The following SKAP2 variants were observed in gnomAD, a reference collection of about 807,000 sequenced individuals.
SKAP2 encodes src kinase associated phosphoprotein 2.
A neutral mutation model predicts 54.9 loss-of-function variants in SKAP2; 28 were observed. That is an observed-to-expected ratio of 0.51 (90% CI 0.38 to 0.70). SKAP2 has a LOEUF of 0.70. SKAP2 is among the 30% of genes least tolerant of loss of function. SKAP2 has a pLI of 0.00. For missense variants in SKAP2, 356 were observed against 424.1 expected, an observed-to-expected ratio of 0.84 and a Z score of 1.41; for synonymous variants, 137 against 134.3, an observed-to-expected ratio of 1.02 and a Z score of -0.14.
intron 9 of SKAP2, among the ~76,000 whole-genome samples, chr7:26,706,784 C>T (rs1179373799): frequency 1.3e-5 from 2 of 152,144 alleles, no homozygotes; most frequent in Non-Finnish European, 2.9e-5. Flanking sequence ...GATTGAAATG[C>T]CAGCCCCATT....
At chr7:26,686,934 G>T (rs370724645) in intron 10 of SKAP2, among the ~76,000 whole-genome samples, 77 of 151,982 alleles carry the variant, frequency 5.1e-4, no homozygotes, top group Non-Finnish European at 8.8e-4. Context: ...CCAAAAAAGT[G>T]GAAGAAACAA....
intron 4 of SKAP2, among the ~76,000 whole-genome samples, chr7:26,818,591 A>G (rs1784319775): frequency 6.6e-6 from 1 of 152,196 alleles, no homozygotes; most frequent in Non-Finnish European, 1.5e-5. Flanking sequence ...AGATCTAATT[A>G]AAGAGCTTCT....
At chr7:26,760,509 A>G (rs1562600515) in intron 4 of SKAP2, among the ~76,000 whole-genome samples, 1 of 152,198 alleles carries the variant, frequency 6.6e-6, no homozygotes, top group Non-Finnish European at 1.5e-5. Context: ...TCCCATACAA[A>G]TACACCTATG....
At chr7:26,738,967 T>G in intron 5 of SKAP2, 89 bp from the exon 6 acceptor site, 2 of 788,218 alleles carry the variant, frequency 2.5e-6, no homozygotes, top group Non-Finnish European at 4.4e-6. Context: ...CTCTGAGCTC[T>G]AACATTGTGT....
chr7:26,841,782 A>G (rs1044590165), intron 4 of SKAP2, among the ~76,000 whole-genome samples: 4 of 152,150 alleles, frequency 2.6e-5, no homozygotes, highest in Non-Finnish European at 1.5e-5. Flanking sequence ...TGAAAAATAC[A>G]TATCATGTTT....
chr7:26,864,512 T>C lies in SKAP2; in HGVS notation c.-83A>G. On this transcript the variant is annotated 5_prime_UTR_variant, in exon 1 of 13. Transcript: ENST00000345317. Reference sequence around the variant, plus strand: ...GTGGGGCTGCGGCTGCGACCTAGACTCAGGCTAGCGGCCCGGATTAAGAAC... The same window carrying C: ...GTGGGGCTGCGGCTGCGACCTAGACCCAGGCTAGCGGCCCGGATTAAGAAC... 2 of 1,509,526 alleles carry C rather than the reference T, an allele frequency of 1.3e-6. No homozygotes were observed. Among genetic ancestry groups the C allele is most frequent in the Non-Finnish European group, 1.8e-6 (2 of 1,130,456 alleles). 93.5% of individuals were successfully genotyped at this position (1,509,526 alleles called of 1,614,324 possible). A position where few individuals can be genotyped will look rare whatever the true frequency, so the allele number is the denominator to read the frequency against.
At chr7:26,754,981 T>A (rs1859101) in intron 4 of SKAP2, among the ~76,000 whole-genome samples, 94,170 of 152,128 alleles carry the variant, frequency 0.62, 29,737 homozygotes, top group East Asian at 0.88. Context: ...AAGTTATTCC[T>A]AGTCAATTTA....
chr7:26,690,161 AT>A, intron 10 of SKAP2, 123 bp downstream of exon 10: 1 of 676,622 alleles, frequency 1.5e-6, no homozygotes, highest in South Asian at 1.8e-5. Context: ...GCCATAAGAT[AT>A]CCAAGCCAAA....
At chr7:26,773,281 G>T (rs369810266) in intron 4 of SKAP2, among the ~76,000 whole-genome samples, 2 of 152,176 alleles carry the variant, frequency 1.3e-5, no homozygotes, top group East Asian at 3.8e-4. Context: ...TCTCCATTGA[G>T]GATATAAAGG....
At chr7:26,682,864 T>C (rs11982489) in intron 11 of SKAP2, among the ~76,000 whole-genome samples, 14,932 of 152,214 alleles carry the variant, frequency 0.098, 903 homozygotes, top group African/African-American at 0.16. Flanking sequence ...ATTATACTTT[T>C]AATTTCATGT....
intron 4 of SKAP2, among the ~76,000 whole-genome samples, chr7:26,751,142 T>C (rs1782673396): frequency 6.6e-6 from 1 of 152,168 alleles, no homozygotes; most frequent in African/African-American, 2.4e-5. Context: ...TAATGTCTTC[T>C]ACATTGTACA....
downstream of SKAP2, among the ~76,000 whole-genome samples, chr7:26,665,838 T>C (rs1415234979): frequency 6.6e-6 from 1 of 152,162 alleles, no homozygotes; most frequent in African/African-American, 2.4e-5. Flanking sequence ...ATCCAGAGTA[T>C]AAACTGTTGT....
chr7:26,692,395 G>A (rs567276618), intron 9 of SKAP2, among the ~76,000 whole-genome samples: 1 of 152,258 alleles, frequency 6.6e-6, no homozygotes, highest in South Asian at 2.1e-4. Context: ...AAGTATGGTA[G>A]AGCAGTCAGG....
At chr7:26,730,022 C>A (rs1344877407) in intron 6 of SKAP2, among the ~76,000 whole-genome samples, 1 of 151,984 alleles carries the variant, frequency 6.6e-6, no homozygotes, top group African/African-American at 2.4e-5. Context: ...AAAGGTTGAA[C>A]AGAGGAAACT....
chr7:26,807,211 C>T (rs146985349), intron 4 of SKAP2, among the ~76,000 whole-genome samples: 3 of 152,248 alleles, frequency 2.0e-5, no homozygotes, highest in East Asian at 3.9e-4. Context: ...TAAATTTAGG[C>T]GATACAGCAG....
chr7:26,818,058 G>A (rs1304678119), intron 4 of SKAP2, among the ~76,000 whole-genome samples: 1 of 152,072 alleles, frequency 6.6e-6, no homozygotes, highest in Non-Finnish European at 1.5e-5. Context: ...AGCTACCACT[G>A]ACTTTCTTCA....
chr7:26,679,004 A>C (rs1203023548), intron 11 of SKAP2, among the ~76,000 whole-genome samples: 1 of 151,914 alleles, frequency 6.6e-6, no homozygotes, highest in African/African-American at 2.4e-5. Context: ...GAATTAAAAA[A>C]AATATCAACG....
At chr7:26,708,917 T>C (rs1208589754) in intron 9 of SKAP2, among the ~76,000 whole-genome samples, 1 of 152,220 alleles carries the variant, frequency 6.6e-6, no homozygotes, top group Admixed American at 6.5e-5. Flanking sequence ...AAAAATTGGG[T>C]GTTTTCTTTT....
rs532985512 is a variant in SKAP2, at chr7:26,846,357, C to T, written c.200-2220G>A. Among the ~76,000 whole-genome samples the T allele has an allele frequency of 4.0e-5, 6 of 151,878 alleles. No individual in the cohort carries two copies. The South Asian group carries it at 1.2e-3, about 32-fold the overall frequency. ...ATATTAAATTCTAGGTGGAAGTAAA[C>T]AGAAAAAATTAAAACTTAGTTTTTA... On this transcript the variant is annotated intron_variant, in intron 3 of 12. Coordinates refer to ENST00000345317, the MANE Select transcript of SKAP2 (RefSeq NM_003930.5).
Sources: allele counts gnomAD v4.1 joint callset (sites outside exome capture counted in the v4.1 genomes callset), GRCh38; gene constraint gnomAD v4.1.1; transcripts MANE v1.5; gene names NCBI Gene and HGNC (gene_info 2026-07-23, HGNC 2026-07-21).